Variants in CRB1 observed in about 807,000 individuals in gnomAD.
CRB1 encodes crumbs cell polarity complex component 1.
In CRB1, 83 loss-of-function variants were observed where a neutral mutation model predicts 120.0. The ratio of observed to expected loss-of-function variants is 0.69; its 90% confidence interval spans 0.58 to 0.83. The LOEUF is 0.83. Ranked by LOEUF, CRB1 falls within the 40% of genes least tolerant of loss-of-function variation. The pLI, the probability that CRB1 is intolerant of heterozygous loss-of-function variation, is 0.00. For synonymous variants in CRB1, 625 were observed against 612.5 expected (o/e 1.02, Z -0.30); for missense variants, 1,699 against 1,687.6 (o/e 1.01, Z -0.12).
At chr1:197,371,561 A>T (rs1391443959) in intron 5 of CRB1, among the ~76,000 whole-genome samples, 1 of 152,000 alleles carries the variant, frequency 6.6e-6, no homozygotes, top group Non-Finnish European at 1.5e-5. Flanking sequence ...CTGAGGTTTG[A>T]TTTTTATCCT....
intron 4 of CRB1, among the ~76,000 whole-genome samples, chr1:197,352,688 T>C (rs1443947584): frequency 1.1e-4 from 3 of 28,510 alleles, no homozygotes; most frequent in Non-Finnish European, 3.0e-4. Flanking sequence ...TTACTTTCCT[T>C]TTTTTTTTTT....
intron 5 of CRB1, among the ~76,000 whole-genome samples, chr1:197,367,788 T>C (rs1157890357): frequency 6.6e-6 from 1 of 152,170 alleles, no homozygotes; most frequent in African/African-American, 2.4e-5. Flanking sequence ...GCTGGGATTT[T>C]ATTCTACTTC....
At chr1:197,230,799 T>C in the CRB1 span, among the ~76,000 whole-genome samples, 1 of 152,170 alleles carries the variant, frequency 6.6e-6, no homozygotes, top group Non-Finnish European at 1.5e-5. Flanking sequence ...TAGAGGTGAA[T>C]ATAGAGCATG....
At chr1:197,293,593 C>T (rs1365760356) in intron 1 of CRB1, among the ~76,000 whole-genome samples, 1 of 151,986 alleles carries the variant, frequency 6.6e-6, no homozygotes, top group African/African-American at 2.4e-5. Context: ...AGAAAAGAGC[C>T]CGCGTCGCCA....
chr1:197,477,885 T>C lies in CRB1; in HGVS notation c.*6T>C, dbSNP rs750489019. ...CAATGGAGAGACTGATTTAGGAGCA[T>C]TGTGTCCCTTCGAGATGGGGATCCA... On this transcript the variant is annotated 3_prime_UTR_variant, in exon 12 of 12. Coordinates refer to ENST00000367400, the MANE Select transcript of CRB1 (RefSeq NM_201253.3). 101 of 1,613,200 alleles carry C rather than the reference T, an allele frequency of 6.3e-5. 2 individuals carry two copies. In the South Asian group the frequency reaches 9.8e-4, roughly 16 times the overall value.
chr1:197,458,681 T>C (rs1666391705), intron 11 of CRB1, among the ~76,000 whole-genome samples: 1 of 152,060 alleles, frequency 6.6e-6, no homozygotes, highest in Admixed American at 6.6e-5. Context: ...AAGTCACCAT[T>C]CCATCCACAC....
At position 197,421,296 on chromosome 1, in the gene CRB1, G is replaced by A. The variant is rs1450685360; in HGVS notation, c.1468G>A (p.Gly490Ser). 10 of 1,614,078 alleles carry A rather than the reference G, an allele frequency of 6.2e-6. No homozygotes were observed. Among genetic ancestry groups the A allele is most frequent in the East Asian group, 2.2e-5 (1 of 44,886 alleles). Residue 490 changes from glycine to serine, a missense_variant, in exon 6 of 12, where the codon GGC (glycine) becomes AGC (serine). By Grantham distance (56) the Gly-to-Ser change is moderately conservative. Coordinates refer to ENST00000367400, the MANE Select transcript of CRB1 (RefSeq NM_201253.3). ...CEIATTLSFEGDGFLWVKSGS... is the reference protein window; with the variant it reads ...CEIATTLSFESDGFLWVKSGS... Reference sequence around the variant, plus strand: ...AATCGCAACCACACTTTCATTTGAGGGCGATGGCTTCCTGTGGGTCAAAAG... The same window carrying A: ...AATCGCAACCACACTTTCATTTGAGAGCGATGGCTTCCTGTGGGTCAAAAG...
intron 5 of CRB1, among the ~76,000 whole-genome samples, chr1:197,390,143 A>G (rs1168479210): frequency 7.9e-6 from 1 of 126,584 alleles, no homozygotes; most frequent in African/African-American, 3.0e-5. Context: ...TCCTGAAAGA[A>G]GTATAGGAAG....
chr1:197,294,638 A>G (rs1426779160), intron 1 of CRB1, among the ~76,000 whole-genome samples: 3 of 152,160 alleles, frequency 2.0e-5, no homozygotes, highest in Non-Finnish European at 4.4e-5. Flanking sequence ...TCACAATAGC[A>G]AAGACTTGGA....
intron 2 of CRB1, among the ~76,000 whole-genome samples, chr1:197,338,264 CTT>C (rs1426312293): frequency 1.3e-5 from 2 of 151,870 alleles, no homozygotes; most frequent in Non-Finnish European, 2.9e-5. Context: ...ATTCGTTTAA[CTT>C]GGGAAAATAA....
At chr1:197,379,616 A>AAC (rs1400527295) in intron 5 of CRB1, among the ~76,000 whole-genome samples, 304 of 151,968 alleles carry the variant, frequency 2.0e-3, no homozygotes, top group African/African-American at 7.2e-3. Flanking sequence ...AAAAAAAAAA[A>AAC]AAAAAAAAAA....
chr1:197,263,520 G>A (rs137875472), upstream of CRB1, among the ~76,000 whole-genome samples: 14 of 151,982 alleles, frequency 9.2e-5, no homozygotes, highest in Admixed American at 2.0e-4. Context: ...GAAGCTCTTT[G>A]GTTTAATTAG....
intron 1 of CRB1, among the ~76,000 whole-genome samples, chr1:197,296,827 C>T (rs527465865): frequency 6.6e-6 from 1 of 152,182 alleles, no homozygotes; most frequent in East Asian, 1.9e-4. Flanking sequence ...ACCCCTTTCA[C>T]TTGGTCCTCA....
chr1:197,359,719 T>C (rs965045667), intron 5 of CRB1, among the ~76,000 whole-genome samples: 1 of 152,206 alleles, frequency 6.6e-6, no homozygotes, highest in Non-Finnish European at 1.5e-5. Context: ...CCACCAGCAA[T>C]GTACGAGTGA....
intron 5 of CRB1, among the ~76,000 whole-genome samples, chr1:197,403,719 T>A (rs564019244): frequency 6.6e-6 from 1 of 152,150 alleles, no homozygotes; most frequent in Non-Finnish European, 1.5e-5. Flanking sequence ...TGCTGCCAGA[T>A]CATCCTAACT....
At chr1:197,455,522 A>AT (rs900374416) in intron 11 of CRB1, among the ~76,000 whole-genome samples, 1 of 151,998 alleles carries the variant, frequency 6.6e-6, no homozygotes, top group Non-Finnish European at 1.5e-5. Flanking sequence ...GTGTGTATAC[A>AT]TTTTTTTCTT....
chr1:197,379,331 G>A lies in CRB1; in HGVS notation c.1171+22318G>A, dbSNP rs116170227. Among the ~76,000 whole-genome samples the A allele has an allele frequency of 7.3e-3, 1,095 of 150,752 alleles. 15 individuals carry two copies. The highest frequency in any genetic ancestry group is 0.025 in the African/African-American group (1,026 of 41,018). On this transcript the variant is annotated intron_variant, in intron 5 of 11. Coordinates refer to ENST00000367400, the MANE Select transcript of CRB1 (RefSeq NM_201253.3). ...TCCTTTTTTTTTGAGATGGAGTCTC[G>A]CTTTGTCGCCCAGGCTGGAATATAG...
the CRB1 span, among the ~76,000 whole-genome samples, chr1:197,205,558 T>C: frequency 2.0e-5 from 3 of 152,230 alleles, no homozygotes; most frequent in Non-Finnish European, 4.4e-5. Flanking sequence ...ATTTATTGAC[T>C]TGCGTATGTT....
chr1:197,390,283 A>G (rs1249081007), intron 5 of CRB1, among the ~76,000 whole-genome samples: 1 of 152,070 alleles, frequency 6.6e-6, no homozygotes, highest in Non-Finnish European at 1.5e-5. Context: ...TTAAATAACA[A>G]TAGAGAAGTT....
Sources: allele counts gnomAD v4.1 joint callset (sites outside exome capture counted in the v4.1 genomes callset), GRCh38; gene constraint gnomAD v4.1.1; transcripts MANE v1.5; gene names NCBI Gene and HGNC (gene_info 2026-07-23, HGNC 2026-07-21).